The following FER1L6 variants were observed in gnomAD, a reference collection of about 807,000 sequenced individuals.
FER1L6 encodes fer-1-like protein 6.
A neutral mutation model predicts 219.2 loss-of-function variants in FER1L6; 177 were observed. That is an observed-to-expected ratio of 0.81 (90% CI 0.71 to 0.91). The LOEUF is 0.91. Among genes scored for constraint, FER1L6 ranks in the 40% least tolerant of loss-of-function variants. The probability of loss-of-function intolerance (pLI) is 0.00; values close to 1 mark genes in which losing one functional copy is unlikely to be tolerated. For missense variants in FER1L6, 2,153 were observed against 2,259.9 expected (o/e 0.95, Z 0.96); for synonymous variants, 768 against 824.3 (o/e 0.93, Z 1.17).
chr8:123,900,517 A>G, intron 1 of FER1L6, among the ~76,000 whole-genome samples: 1 of 152,020 alleles, frequency 6.6e-6, no homozygotes. Context: ...TAGGACTTCC[A>G]AAGAGGAGTG....
At chr8:124,001,243 A>G (rs150812828) in intron 12 of FER1L6, among the ~76,000 whole-genome samples, 104 of 152,152 alleles carry the variant, frequency 6.8e-4, no homozygotes, top group African/African-American at 2.4e-3. Context: ...CATTCTTCTC[A>G]TTGTCTCTTA....
rs1233725782 is a variant in FER1L6, at chr8:124,114,894, CGTATATATATATAT to C, written c.5290-3949_5290-3936del. ...TACATATATATGCAGTGTGTGTGTG[CGTATATATATATAT>C]ATATATATATATATATATATATATA... On this transcript the variant is annotated intron_variant, in intron 39 of 40. Transcript: ENST00000522917. Among the ~76,000 whole-genome samples, 217 of 30,964 alleles carry C rather than the reference CGTATATATATATAT, an allele frequency of 7.0e-3. 2 individuals carry two copies. The highest frequency in any genetic ancestry group is 0.016 in the African/African-American group (205 of 12,474). The allele number at this position is 30,964 out of a possible 152,430, so 20.3% of individuals were successfully genotyped here.
At chr8:124,068,966 T>C (rs1221539369) in intron 28 of FER1L6, among the ~76,000 whole-genome samples, 1 of 151,212 alleles carries the variant, frequency 6.6e-6, no homozygotes, top group African/African-American at 2.4e-5. Flanking sequence ...AGACGGAGTC[T>C]TGCTCTGTCG....
chr8:124,091,827 C>A (rs916401904), intron 34 of FER1L6, among the ~76,000 whole-genome samples: 2 of 152,002 alleles, frequency 1.3e-5, no homozygotes, highest in African/African-American at 4.8e-5. Flanking sequence ...AGTAGCCATG[C>A]GTGGTGGCAG....
At chr8:123,873,976 C>T (rs1327272739) in intron 1 of FER1L6, among the ~76,000 whole-genome samples, 1 of 152,152 alleles carries the variant, frequency 6.6e-6, no homozygotes, top group Non-Finnish European at 1.5e-5. Flanking sequence ...TGTCACTTTC[C>T]TTCTTATCAG....
At chr8:123,868,586 C>T (rs535466089) in intron 1 of FER1L6, among the ~76,000 whole-genome samples, 1 of 152,312 alleles carries the variant, frequency 6.6e-6, no homozygotes, top group South Asian at 2.1e-4. Context: ...GCTGCCTGCT[C>T]ACACTTTGGA....
At chr8:123,995,029 C>T (rs930448116) in intron 12 of FER1L6, among the ~76,000 whole-genome samples, 6 of 152,248 alleles carry the variant, frequency 3.9e-5, no homozygotes, top group African/African-American at 1.4e-4. Flanking sequence ...ATCTCCTTCT[C>T]ACAGTCTGGG....
chr8:123,965,923 C>T (rs1815513975), intron 3 of FER1L6, 84 bp from the exon 4 acceptor site: 1 of 1,203,596 alleles, frequency 8.3e-7, no homozygotes, highest in African/African-American at 1.5e-5. Context: ...AATGAAAGGA[C>T]TTAGAAATAC....
chr8:124,001,936 T>G (rs1025071253), intron 12 of FER1L6, among the ~76,000 whole-genome samples: 9 of 152,304 alleles, frequency 5.9e-5, no homozygotes, highest in Non-Finnish European at 1.0e-4. Flanking sequence ...CTTGGGAAGA[T>G]TCTCATACAT....
chr8:124,096,212 C>G (rs1390999973), intron 35 of FER1L6, among the ~76,000 whole-genome samples: 1 of 152,016 alleles, frequency 6.6e-6, no homozygotes, highest in African/African-American at 2.4e-5. Context: ...TACTAGGATC[C>G]TTCACTTGGC....
chr8:123,867,816 A>G (rs530677242), intron 1 of FER1L6, among the ~76,000 whole-genome samples: 2 of 152,248 alleles, frequency 1.3e-5, no homozygotes, highest in Admixed American at 6.5e-5. Flanking sequence ...AAAAGTTCAC[A>G]TGTCATAAAT....
At position 124,094,991 on chromosome 8, in the gene FER1L6, A is replaced by G; in HGVS notation, c.4648A>G (p.Ile1550Val). ...CGGGTGTAGGCTGGTTCCTGAACACATAGAAACTCGGCCACTGTACCACAA... is the reference window on the plus strand; with the variant it reads ...CGGGTGTAGGCTGGTTCCTGAACACGTAGAAACTCGGCCACTGTACCACAA... ...EVGCRLVPEH[I>V]ETRPLYHKDK... The change falls in exon 35 of 41, where the codon ATA (isoleucine) becomes GTA (valine). Residue 1550 changes from isoleucine to valine, a missense_variant. Coordinates refer to ENST00000522917, the MANE Select transcript of FER1L6 (RefSeq NM_001039112.2). 1.2e-6 allele frequency: 2 copies of G among 1,614,154 alleles called. No individual in the cohort carries two copies. The highest frequency in any genetic ancestry group is 2.2e-5 in the South Asian group (2 of 91,084).
rs1045147052 is a variant in FER1L6, at chr8:123,853,059, G to T, written c.-8+874G>T. Among the ~76,000 whole-genome samples, 2 of 152,106 alleles carry T rather than the reference G, an allele frequency of 1.3e-5. No homozygotes were observed. The highest frequency in any genetic ancestry group is 6.6e-5 in the Admixed American group (1 of 15,262). On this transcript the variant is annotated intron_variant, in intron 1 of 40. Coordinates refer to ENST00000522917, the MANE Select transcript of FER1L6 (RefSeq NM_001039112.2). The surrounding 1 kb of genome is among the most constrained non-coding windows in gnomAD (Gnocchi z 6.6). ...GGGCCTCGCTATGTTGCTCAGGTTG[G>T]TCTCAAACTCCTGGGCTCAAGCGAT... is the stretch of plus-strand genomic sequence containing the variant.
At chr8:124,080,353 T>A (rs554449895) in intron 32 of FER1L6, among the ~76,000 whole-genome samples, 31 of 152,100 alleles carry the variant, frequency 2.0e-4, no homozygotes, top group Admixed American at 2.6e-4. Context: ...GTTTTGCTCT[T>A]GTCGCCCAGG....
At position 124,050,803 on chromosome 8, in the gene FER1L6, G is replaced by A. The variant is rs10103167; in HGVS notation, c.2874+1047G>A. 2.8e-3 allele frequency among the ~76,000 whole-genome samples: 422 copies of A among 151,612 alleles called. 1 individual carries two copies. The highest frequency in any genetic ancestry group is 9.9e-3 in the African/African-American group (409 of 41,368). On this transcript the variant is annotated intron_variant, in intron 22 of 40. Transcript: ENST00000522917. ...CAGGACACGAATCCCATTCATGAGC[G>A]TTTTGCCCTCATGACCTCATGACCT...
chr8:123,881,910 G>A (rs2129664943), intron 1 of FER1L6, among the ~76,000 whole-genome samples: 1 of 152,310 alleles, frequency 6.6e-6, no homozygotes, highest in South Asian at 2.1e-4. Flanking sequence ...TAAGAATTTA[G>A]GGGCTGAGCT....
chr8:124,056,205 A>G (rs1266084263), intron 22 of FER1L6, among the ~76,000 whole-genome samples: 1 of 152,206 alleles, frequency 6.6e-6, no homozygotes, highest in Non-Finnish European at 1.5e-5. Flanking sequence ...TTTGGGAGTC[A>G]TTATTCTGCC....
chr8:124,110,957 T>C (rs546300169), intron 39 of FER1L6, among the ~76,000 whole-genome samples: 6 of 152,124 alleles, frequency 3.9e-5, no homozygotes, highest in Non-Finnish European at 2.9e-5. Flanking sequence ...TTGTGCAACT[T>C]GGAGCAAAGT....
chr8:123,967,639 T>G (rs900948407), intron 5 of FER1L6, among the ~76,000 whole-genome samples: 3 of 152,164 alleles, frequency 2.0e-5, no homozygotes, highest in Non-Finnish European at 4.4e-5. Context: ...ATGAATTATT[T>G]CAAAAAATTC....
Sources: gnomAD v4.1 joint callset for allele counts (sites outside exome capture counted in the v4.1 genomes callset) on GRCh38, gnomAD v4.1.1 for gene constraint, Gnocchi (gnomAD v3.1) non-coding constraint, MANE v1.5 for transcripts, NCBI Gene and HGNC (gene_info 2026-07-23, HGNC 2026-07-21) for gene names.